Variants in C3orf49 observed in about 807,000 individuals in gnomAD.
C3orf49 encodes the protein chromosome 3 open reading frame 49.
C3orf49 carries 27 observed loss-of-function variants against 13.3 expected under a neutral mutation model. The observed-to-expected ratio is 2.02, with a 90% CI of 1.49 to 2.79. C3orf49 has a LOEUF of 2.79. C3orf49 is among the 30% of genes most tolerant of loss of function. The pLI is 0.00. For missense variants in C3orf49, 242 were observed against 134.2 expected (o/e 1.80, Z -3.97); for synonymous variants, 87 against 47.6 (o/e 1.83, Z -3.40).
At chr3:63,833,865 A>C (rs2107111621) in intron 5 of C3orf49, 1 of 347,968 alleles carries the variant, frequency 2.9e-6, no homozygotes, top group South Asian at 5.8e-5. Context: ...ATGAGCACAA[A>C]CATATGCAGC....
intron 6 of C3orf49, chr3:63,846,330 C>G: frequency 3.4e-6 from 1 of 296,512 alleles, no homozygotes; most frequent in Non-Finnish European, 6.9e-6. Context: ...GGCCACAGTT[C>G]AAGATTTTCC....
chr3:63,830,590 G>A (rs548739091), intron 3 of C3orf49, among the ~76,000 whole-genome samples: 81 of 152,332 alleles, frequency 5.3e-4, no homozygotes, highest in Non-Finnish European at 1.1e-3. Flanking sequence ...GTTAGGACAG[G>A]TACTTGTAAC....
chr3:63,814,208 A>G, the C3orf49 span, among the ~76,000 whole-genome samples: 1 of 152,310 alleles, frequency 6.6e-6, no homozygotes, highest in African/African-American at 2.4e-5. Context: ...CAGAGAGTTA[A>G]CATGAAAGCA....
intron 5 of C3orf49, chr3:63,833,904 A>T: frequency 2.2e-6 from 1 of 444,790 alleles, no homozygotes; most frequent in Non-Finnish European, 4.0e-6. Context: ...GCATTTTTGG[A>T]TGTTGCTTCC....
chr3:63,839,837 T>A, intron 5 of C3orf49: 1 of 1,305,558 alleles, frequency 7.7e-7, no homozygotes, highest in Non-Finnish European at 1.1e-6. Flanking sequence ...AAATAACCAG[T>A]ATCACTGTTC....
the C3orf49 span, among the ~76,000 whole-genome samples, chr3:63,811,276 C>T: frequency 6.6e-6 from 1 of 152,078 alleles, no homozygotes; most frequent in African/African-American, 2.4e-5. Flanking sequence ...GAGCCAGGCA[C>T]GGCCAGGCGA....
chr3:63,791,725 T>G, the C3orf49 span, among the ~76,000 whole-genome samples: 1 of 152,210 alleles, frequency 6.6e-6, no homozygotes, highest in African/African-American at 2.4e-5. Context: ...CATGCTATAT[T>G]CCAGTTGTTC....
intron 5 of C3orf49, among the ~76,000 whole-genome samples, chr3:63,843,164 G>A (rs1448806656): frequency 6.6e-6 from 1 of 151,798 alleles, no homozygotes; most frequent in Non-Finnish European, 1.5e-5. Flanking sequence ...TTTCATCCAG[G>A]CTAGAGTACA....
chr3:63,833,847 G>A (rs35679464), intron 5 of C3orf49: 2 of 270,504 alleles, frequency 7.4e-6, no homozygotes, highest in Non-Finnish European at 6.9e-6. Context: ...AAACTACCTA[G>A]AATATTAATG....
At position 63,819,403 on chromosome 3, in the gene C3orf49, T is replaced by C. The variant is rs1380884377; in HGVS notation, c.-69T>C. The C allele has an allele frequency of 4.4e-6, 3 of 677,528 alleles. No homozygotes were observed. In the South Asian group the frequency reaches 4.7e-5, roughly 11 times the overall value. 42.0% of individuals were successfully genotyped at this position (677,528 alleles called of 1,614,324 possible). On this transcript the variant is annotated 5_prime_UTR_variant, in exon 1 of 7. Transcript: ENST00000295896. ...AGTACATTCAGTCACTGGATGATTT[T>C]GTATTGAAGTCTGTAAGTTCAAGAA...
At chr3:63,781,953 A>G in the C3orf49 span, among the ~76,000 whole-genome samples, 1 of 152,242 alleles carries the variant, frequency 6.6e-6, no homozygotes, top group Non-Finnish European at 1.5e-5. Context: ...TTCAGAAGTA[A>G]ATATCAAGGT....
At chr3:63,809,749 C>T in the C3orf49 span, among the ~76,000 whole-genome samples, 32 of 152,320 alleles carry the variant, frequency 2.1e-4, no homozygotes, top group Non-Finnish European at 3.5e-4. Flanking sequence ...TCATTCTCCT[C>T]GTCCAAGGTG....
At chr3:63,787,670 C>G in the C3orf49 span, among the ~76,000 whole-genome samples, 1 of 152,140 alleles carries the variant, frequency 6.6e-6, no homozygotes, top group Non-Finnish European at 1.5e-5. Flanking sequence ...TTCCCCCGAA[C>G]AGGAAAGCAG....
At chr3:63,786,174 T>C in the C3orf49 span, 1 of 152,156 alleles carries the variant, frequency 6.6e-6, no homozygotes, top group Non-Finnish European at 1.5e-5. Flanking sequence ...GAAATCTCTT[T>C]GTGCTCTGAG....
At chr3:63,787,142 G>T in the C3orf49 span, 1 of 152,288 alleles carries the variant, frequency 6.6e-6, no homozygotes, top group African/African-American at 2.4e-5. Context: ...GAATCATCAT[G>T]TTCTGATTCG....
At chr3:63,806,861 T>C in the C3orf49 span, among the ~76,000 whole-genome samples, 1 of 152,228 alleles carries the variant, frequency 6.6e-6, no homozygotes, top group Non-Finnish European at 1.5e-5. Flanking sequence ...CATTGTATTA[T>C]AATTGCCTTT....
At chr3:63,836,221 C>T in intron 5 of C3orf49, 2 of 1,345,832 alleles carry the variant, frequency 1.5e-6, no homozygotes, top group Non-Finnish European at 1.0e-6. Context: ...TTTATTTCTG[C>T]AAAAATGAAA....
chr3:63,779,765 A>G, the C3orf49 span: 1 of 152,222 alleles, frequency 6.6e-6, no homozygotes, highest in Non-Finnish European at 1.5e-5. Context: ...ATAAAGATCA[A>G]CAGAAGACGG....
chr3:63,845,109 TG>T (rs1701860520), intron 6 of C3orf49, 27 bp downstream of exon 6: 6 of 687,026 alleles, frequency 8.7e-6, no homozygotes, highest in Middle Eastern at 2.3e-4. Flanking sequence ...TTTCTGGGGG[TG>T]GGGGGTACTA....
Sources: allele counts gnomAD v4.1 joint callset (sites outside exome capture counted in the v4.1 genomes callset), GRCh38; gene constraint gnomAD v4.1.1; transcripts MANE v1.5; gene names NCBI Gene and HGNC (gene_info 2026-07-23, HGNC 2026-07-21).